NGLY1: variants seen among roughly 807,000 people sequenced by gnomAD.
The protein encoded by NGLY1 is peptide-N(4)-(N-acetyl-beta-glucosaminyl)asparagine amidase.
Under a neutral mutation model 84.6 loss-of-function variants are expected in NGLY1, and 68 were observed. That is an observed-to-expected ratio of 0.80 (90% confidence interval 0.66 to 0.98). The LOEUF is 0.98. Among genes scored for constraint, NGLY1 ranks in the 50% least tolerant of loss-of-function variants. The pLI is 0.00. For missense variants in NGLY1, 779 were observed against 770.2 expected (o/e 1.01, Z -0.14); for synonymous variants, 280 against 275.2 (o/e 1.02, Z -0.17).
At chr3:25,788,868 T>C (rs1247198362) in intron 1 of NGLY1, among the ~76,000 whole-genome samples, 1 of 152,194 alleles carries the variant, frequency 6.6e-6, no homozygotes, top group Admixed American at 6.5e-5. Context: ...TTAAACAAAA[T>C]AGATTTCCAA....
upstream of NGLY1, among the ~76,000 whole-genome samples, chr3:25,787,859 G>T (rs1282236081): frequency 6.6e-6 from 1 of 152,192 alleles, no homozygotes; most frequent in Admixed American, 6.5e-5. Flanking sequence ...GTTTGTGGAA[G>T]ATACCATGAC....
chr3:25,725,363 GCATCTCTT>G (rs1705198586), intron 10 of NGLY1, among the ~76,000 whole-genome samples: 1 of 152,160 alleles, frequency 6.6e-6, no homozygotes, highest in Admixed American at 6.5e-5. Flanking sequence ...CTTGCCCTGT[GCATCTCTT>G]CATCTGCATC....
rs755597053 is a variant in NGLY1, at chr3:25,783,436, C to T, written c.-46G>A. The T allele has an allele frequency of 1.3e-5, 20 of 1,497,556 alleles. No homozygotes were observed. Among genetic ancestry groups the T allele is most frequent in the African/African-American group, 1.5e-5 (1 of 68,026 alleles). 92.8% of individuals were successfully genotyped at this position (1,497,556 alleles called of 1,614,324 possible). A position where few individuals can be genotyped will look rare whatever the true frequency, so the allele number is the denominator to read the frequency against. ...CGCCGCCGCCCCTCGCTCTCCGCGT[C>T]CCACACTGAGCAGGCGCCTCAGCGC... On this transcript the variant is annotated 5_prime_UTR_variant, in exon 1 of 12. Transcript: ENST00000280700. The surrounding 1 kb of genome is among the most constrained non-coding windows in gnomAD (Gnocchi z 4.5).
At chr3:25,759,939 C>G (rs1707227851) in intron 3 of NGLY1, among the ~76,000 whole-genome samples, 1 of 151,398 alleles carries the variant, frequency 6.6e-6, no homozygotes, top group African/African-American at 2.4e-5. Context: ...CACACACACA[C>G]ACACAACAAA....
intron 3 of NGLY1, among the ~76,000 whole-genome samples, chr3:25,757,290 G>A (rs1410497838): frequency 1.3e-5 from 2 of 152,092 alleles, no homozygotes; most frequent in Admixed American, 6.5e-5. Context: ...TGTTCTCAGG[G>A]AGGAAGCAAG....
intron 7 of NGLY1, 128 bp from the exon 8 acceptor site, chr3:25,734,110 A>G: frequency 2.3e-6 from 3 of 1,317,450 alleles, no homozygotes; most frequent in Non-Finnish European, 2.1e-6. Flanking sequence ...TCTGTTGTCC[A>G]GGCTAGAGTG....
intron 3 of NGLY1, among the ~76,000 whole-genome samples, chr3:25,756,850 A>C (rs1707061788): frequency 6.6e-6 from 1 of 152,210 alleles, no homozygotes; most frequent in Admixed American, 6.5e-5. Flanking sequence ...ACTTGCATTT[A>C]TGTGCACTCT....
At chr3:25,737,259 A>G (rs1705875600) in intron 6 of NGLY1, 75 bp downstream of exon 6, 1 of 1,277,844 alleles carries the variant, frequency 7.8e-7, no homozygotes, top group South Asian at 1.5e-5. Context: ...ACAGAGAATC[A>G]TGGGCTCAGA....
intron 4 of NGLY1, chr3:25,749,601 C>A (rs889802839): frequency 3.5e-5 from 52 of 1,480,324 alleles, no homozygotes; most frequent in Non-Finnish European, 4.6e-5. Context: ...TGGCGGAAAC[C>A]CAGAGGTATT....
At chr3:25,768,084 G>A in intron 2 of NGLY1, among the ~76,000 whole-genome samples, 1 of 129,266 alleles carries the variant, frequency 7.7e-6, no homozygotes, top group Middle Eastern at 6.1e-3. Flanking sequence ...CTACACTCCA[G>A]GCTGGGCGAC....
At chr3:25,764,030 A>T in intron 3 of NGLY1, 36 bp downstream of exon 3, 2 of 1,606,462 alleles carry the variant, frequency 1.2e-6, no homozygotes, top group Non-Finnish European at 1.7e-6. Context: ...AACACTTTGA[A>T]AGAAACAGTT....
intron 1 of NGLY1, among the ~76,000 whole-genome samples, chr3:25,781,319 A>T (rs1708409474): frequency 6.6e-6 from 1 of 152,182 alleles, no homozygotes; most frequent in South Asian, 2.1e-4. Context: ...AGTATACTGC[A>T]AACAGGCTCC....
chr3:25,749,182 T>G (rs1002438162), intron 4 of NGLY1, among the ~76,000 whole-genome samples: 2 of 152,196 alleles, frequency 1.3e-5, no homozygotes, highest in Non-Finnish European at 2.9e-5. Context: ...GAAAACAGTA[T>G]GGTGGTTCCT....
intron 4 of NGLY1, among the ~76,000 whole-genome samples, chr3:25,741,748 T>C (rs533917620): frequency 6.6e-6 from 1 of 152,064 alleles, no homozygotes; most frequent in Non-Finnish European, 1.5e-5. Flanking sequence ...CCCAGCACTT[T>C]AGGAGGCTGA....
intron 1 of NGLY1, among the ~76,000 whole-genome samples, chr3:25,780,676 G>A (rs1708372089): frequency 6.6e-6 from 1 of 152,130 alleles, no homozygotes; most frequent in Admixed American, 6.5e-5. Flanking sequence ...CGGCTAGAGT[G>A]CAATGACGCC....
At chr3:25,736,173 G>GC (rs1451839477) in intron 6 of NGLY1, 24 bp from the exon 7 acceptor site, 4 of 1,603,628 alleles carry the variant, frequency 2.5e-6, no homozygotes, top group Non-Finnish European at 3.4e-6. Context: ...AGAAAAGAGA[G>GC]CAATGGAAAA....
chr3:25,789,886 G>A (rs1317217112), exon 1 of NGLY1: 3 of 1,551,540 alleles, frequency 1.9e-6, no homozygotes, highest in Non-Finnish European at 1.7e-6. Flanking sequence ...GCAGGTCCTC[G>A]ATTATCGGCG....
At chr3:25,725,209 C>T (rs1388560666) in intron 10 of NGLY1, among the ~76,000 whole-genome samples, 1 of 152,090 alleles carries the variant, frequency 6.6e-6, no homozygotes, top group East Asian at 1.9e-4. Flanking sequence ...ACATTGTTGT[C>T]ATGGTTATGA....
intron 3 of NGLY1, among the ~76,000 whole-genome samples, chr3:25,759,747 T>C (rs1283859560): frequency 6.6e-6 from 1 of 152,214 alleles, no homozygotes; most frequent in East Asian, 1.9e-4. Context: ...CTGTTGGTTT[T>C]AGATCAAAGA....
Sources: gnomAD v4.1 joint callset for allele counts (sites outside exome capture counted in the v4.1 genomes callset) on GRCh38, gnomAD v4.1.1 for gene constraint, Gnocchi (gnomAD v3.1) non-coding constraint, MANE v1.5 for transcripts, NCBI Gene and HGNC (gene_info 2026-07-23, HGNC 2026-07-21) for gene names.